The following MYO1D variants were observed in gnomAD, a reference collection of about 807,000 sequenced individuals.
MYO1D encodes the protein unconventional myosin-Id.
A neutral mutation model predicts 122.0 loss-of-function variants in MYO1D; 83 were observed. The observed-to-expected ratio is 0.68, with a 90% CI of 0.57 to 0.82. MYO1D has a LOEUF of 0.82. Among genes scored for constraint, MYO1D ranks in the 40% least tolerant of loss-of-function variants. MYO1D has a pLI of 0.00. For missense variants in MYO1D, 1,157 were observed against 1,269.5 expected, an observed-to-expected ratio of 0.91 and a Z score of 1.35; for synonymous variants, 464 against 446.9, an observed-to-expected ratio of 1.04 and a Z score of -0.48.
chr17:32,821,296 G>A (rs1219918202), intron 1 of MYO1D, among the ~76,000 whole-genome samples: 3 of 151,808 alleles, frequency 2.0e-5, no homozygotes, highest in Admixed American at 6.6e-5. Context: ...TGTAGGTGGT[G>A]GGCAGGAATA....
chr17:32,541,377 G>A (rs1387189611), intron 21 of MYO1D, among the ~76,000 whole-genome samples: 1 of 152,242 alleles, frequency 6.6e-6, no homozygotes, highest in African/African-American at 2.4e-5. Flanking sequence ...AATGTCCAGT[G>A]TAGGCAAAGC....
chr17:32,680,860 G>C (rs561127554), intron 16 of MYO1D, among the ~76,000 whole-genome samples: 1 of 151,986 alleles, frequency 6.6e-6, no homozygotes, highest in African/African-American at 2.4e-5. Flanking sequence ...GGTAGAATTC[G>C]GCTGTGAATC....
chr17:32,856,864 G>C (rs1475837367), intron 1 of MYO1D, among the ~76,000 whole-genome samples: 1 of 152,174 alleles, frequency 6.6e-6, no homozygotes, highest in Non-Finnish European at 1.5e-5. Context: ...AACATGAGAA[G>C]AGGTACTGGG....
At chr17:32,797,437 A>T (rs2151040757) in intron 1 of MYO1D, among the ~76,000 whole-genome samples, 1 of 152,344 alleles carries the variant, frequency 6.6e-6, no homozygotes, top group East Asian at 1.9e-4. Flanking sequence ...CCCCTTATCC[A>T]AAGTTTCGCT....
chr17:32,500,587 G>A (rs983168767), intron 21 of MYO1D, among the ~76,000 whole-genome samples: 2 of 152,162 alleles, frequency 1.3e-5, no homozygotes, highest in Admixed American at 6.5e-5. Flanking sequence ...GAGTGACTAC[G>A]TGTGTTGAGC....
chr17:32,593,430 C>T (rs1241568274), intron 21 of MYO1D, among the ~76,000 whole-genome samples: 1 of 152,130 alleles, frequency 6.6e-6, no homozygotes, highest in Non-Finnish European at 1.5e-5. Flanking sequence ...CTTGGTTGGG[C>T]ATACAATTGT....
intron 21 of MYO1D, among the ~76,000 whole-genome samples, chr17:32,545,770 AT>A (rs67044833): frequency 0.038 from 5,306 of 141,144 alleles, 104 homozygotes; most frequent in Middle Eastern, 0.048. Context: ...TATCCAGGTG[AT>A]TTTTTTTTTT....
At chr17:32,855,132 T>A (rs572821554) in intron 1 of MYO1D, among the ~76,000 whole-genome samples, 1 of 152,312 alleles carries the variant, frequency 6.6e-6, no homozygotes, top group African/African-American at 2.4e-5. Flanking sequence ...AACCTTTAAT[T>A]GCTTGCTGAT....
chr17:32,637,575 G>A (rs763282734), intron 20 of MYO1D, among the ~76,000 whole-genome samples: 1 of 152,146 alleles, frequency 6.6e-6, no homozygotes, highest in Non-Finnish European at 1.5e-5. Flanking sequence ...GGAGGCAGAG[G>A]CACAAGAATC....
chr17:32,634,682 C>T (rs896011690), intron 20 of MYO1D, among the ~76,000 whole-genome samples: 1 of 152,214 alleles, frequency 6.6e-6, no homozygotes, highest in African/African-American at 2.4e-5. Context: ...ATTGCAACAT[C>T]AGCTGAGTTT....
intron 1 of MYO1D, among the ~76,000 whole-genome samples, chr17:32,821,535 CACACAT>C (rs750216974): frequency 0.012 from 1,237 of 107,318 alleles, 15 homozygotes; most frequent in Non-Finnish European, 0.013. Flanking sequence ...ATAAGTAAAT[CACACAT>C]ACACACACAC....
intron 1 of MYO1D, among the ~76,000 whole-genome samples, chr17:32,868,536 G>A (rs1466374139): frequency 6.6e-6 from 1 of 152,188 alleles, no homozygotes; most frequent in African/African-American, 2.4e-5. Flanking sequence ...CTTTGTCTTA[G>A]TGAGGGAGGA....
At chr17:32,571,923 T>C (rs917361569) in intron 21 of MYO1D, among the ~76,000 whole-genome samples, 5 of 152,324 alleles carry the variant, frequency 3.3e-5, no homozygotes, top group Admixed American at 3.3e-4. Context: ...CTTTTTATGG[T>C]GAACTCCAAA....
At chr17:32,645,550 G>T (rs2088277698) in intron 19 of MYO1D, among the ~76,000 whole-genome samples, 1 of 152,124 alleles carries the variant, frequency 6.6e-6, no homozygotes, top group African/African-American at 2.4e-5. Flanking sequence ...CAATCAGACG[G>T]AGATTTGGTC....
At chr17:32,773,730 A>G (rs559536474) in intron 4 of MYO1D, among the ~76,000 whole-genome samples, 11 of 152,218 alleles carry the variant, frequency 7.2e-5, no homozygotes, top group African/African-American at 2.6e-4. Flanking sequence ...CTTGACCCCA[A>G]TACAAACTCA....
At chr17:32,635,483 G>A (rs2150936835) in intron 20 of MYO1D, among the ~76,000 whole-genome samples, 1 of 152,276 alleles carries the variant, frequency 6.6e-6, no homozygotes, top group East Asian at 1.9e-4. Flanking sequence ...GGCAGATCAT[G>A]AGGTGAGGAG....
chr17:32,763,945 C>G (rs1030797758), intron 8 of MYO1D, among the ~76,000 whole-genome samples: 2 of 151,792 alleles, frequency 1.3e-5, no homozygotes, highest in African/African-American at 4.8e-5. Context: ...AATAAGTATA[C>G]CCTTTGACCT....
rs187804625 is a variant in MYO1D, at chr17:32,829,282, T to G, written c.95+47496A>C. 2.8e-3 allele frequency among the ~76,000 whole-genome samples: 419 copies of G among 152,290 alleles called. 4 individuals are homozygous for G. The highest frequency in any genetic ancestry group is 8.7e-3 in the African/African-American group (362 of 41,564). ...CCTCCCCACCTTTTGGGACAGATAT[T>G]TATCAGAACATCAGACAAAGTCATT... is the stretch of plus-strand genomic sequence containing the variant. On this transcript the variant is annotated intron_variant, in intron 1 of 21. Transcript: ENST00000318217.
At chr17:32,848,852 A>G (rs1274568433) in intron 1 of MYO1D, among the ~76,000 whole-genome samples, 1 of 152,200 alleles carries the variant, frequency 6.6e-6, no homozygotes, top group East Asian at 1.9e-4. Flanking sequence ...ACATGCTTTA[A>G]GAGAATAAGC....
Sources: gnomAD v4.1 joint callset for allele counts (sites outside exome capture counted in the v4.1 genomes callset) on GRCh38, gnomAD v4.1.1 for gene constraint, MANE v1.5 for transcripts, NCBI Gene and HGNC (gene_info 2026-07-23, HGNC 2026-07-21) for gene names.